The following CDH10 variants were observed in gnomAD, a reference collection of about 807,000 sequenced individuals.
The protein encoded by CDH10 is cadherin-10.
In CDH10, 30 loss-of-function variants were observed where a neutral mutation model predicts 73.1. The observed-to-expected ratio is 0.41, with a 90% confidence interval of 0.31 to 0.56. CDH10 has a LOEUF of 0.56. Ranked by LOEUF, CDH10 falls within the 20% of genes least tolerant of loss-of-function variation. The probability of loss-of-function intolerance (pLI) is 0.27; values close to 1 mark genes in which losing one functional copy is unlikely to be tolerated. For missense variants in CDH10, 815 were observed against 973.7 expected (o/e 0.84, Z 2.17); for synonymous variants, 345 against 348.2 (o/e 0.99, Z 0.10).
intron 5 of CDH10, among the ~76,000 whole-genome samples, chr5:24,532,969 A>ATT (rs1743802464): frequency 1.3e-5 from 2 of 152,236 alleles, no homozygotes; most frequent in South Asian, 4.1e-4. Flanking sequence ...CAGACGTTAT[A>ATT]TGATTTAGAC....
At chr5:24,507,609 A>G (rs571086843) in intron 7 of CDH10, among the ~76,000 whole-genome samples, 1 of 152,178 alleles carries the variant, frequency 6.6e-6, no homozygotes, top group East Asian at 1.9e-4. Context: ...ACATTTAGAT[A>G]ACAATATTAT....
chr5:24,509,679 A>T lies in CDH10; in HGVS notation c.1143T>A (p.Pro381=). Residue 381 remains proline (P), a synonymous_variant, in exon 7 of 12, where the codon CCT becomes CCA. Transcript: ENST00000264463. Reference sequence around the variant, plus strand: ...GATAGGAGGACCTACTAAAAACAGGAGGTTCATCCACATCTTCTATAGAGA... The same window carrying T: ...GATAGGAGGACCTACTAAAAACAGGTGGTTCATCCACATCTTCTATAGAGA... ...VKISIEDVDE[P]PVFSRSSYLF... The T allele has an allele frequency of 6.2e-7, 1 of 1,613,526 alleles. No homozygotes were observed. Among genetic ancestry groups the T allele is most frequent in the Admixed American group, 1.7e-5 (1 of 60,020 alleles).
chr5:24,527,295 A>G (rs1044830622), intron 5 of CDH10, among the ~76,000 whole-genome samples: 3 of 147,766 alleles, frequency 2.0e-5, no homozygotes, highest in African/African-American at 7.4e-5. Flanking sequence ...AGTCTTATAT[A>G]TATTTATATA....
intron 8 of CDH10, among the ~76,000 whole-genome samples, chr5:24,500,340 G>A (rs923590308): frequency 6.6e-6 from 1 of 152,230 alleles, no homozygotes. Context: ...CAGAATCGAA[G>A]TGTATTTATC....
chr5:24,616,167 A>G (rs1747121346), intron 1 of CDH10, among the ~76,000 whole-genome samples: 1 of 152,126 alleles, frequency 6.6e-6, no homozygotes, highest in African/African-American at 2.4e-5. Context: ...AATAATTTTT[A>G]GGAAGAGGTA....
rs139551166 is a variant in CDH10, at chr5:24,608,443, C to T, written c.-123-14830G>A. 9.2e-5 allele frequency among the ~76,000 whole-genome samples: 14 copies of T among 152,150 alleles called. No homozygotes were observed. In the East Asian group the frequency reaches 2.7e-3, roughly 29 times the overall value. On this transcript the variant is annotated intron_variant, in intron 1 of 11. Transcript: ENST00000264463. Reference sequence around the variant, plus strand: ...GAGTAACTGGGACTAGAGGTGCGCACCACCACGCCCAGCTAATTTTTGTAT... The same window carrying T: ...GAGTAACTGGGACTAGAGGTGCGCATCACCACGCCCAGCTAATTTTTGTAT...
intron 8 of CDH10, among the ~76,000 whole-genome samples, 198 bp downstream of exon 8, chr5:24,504,914 T>C (rs192734393): frequency 5.1e-4 from 77 of 152,214 alleles, no homozygotes; most frequent in African/African-American, 1.8e-3. Context: ...TCTACCAATA[T>C]GTATAGGTAT....
In CDH10 at chr5:24,509,279, G is replaced by A. The variant is rs550726763; in HGVS notation, c.1256+287C>T. Among the ~76,000 whole-genome samples, 17 of 103,212 alleles carry A rather than the reference G, an allele frequency of 1.6e-4. No homozygotes were observed. The East Asian group carries it at 4.3e-3, about 26-fold the overall frequency. The allele number at this position is 103,212 out of a possible 152,430, so 67.7% of individuals were successfully genotyped here. On this transcript the variant is annotated intron_variant, in intron 7 of 11. Transcript: ENST00000264463. ...TTTTTGAGACAGATTCATCTCTGTC[G>A]CTCAGGCTGGAATGCAATGGCACGA... is the stretch of plus-strand genomic sequence containing the variant.
intron 1 of CDH10, among the ~76,000 whole-genome samples, chr5:24,630,137 A>G (rs1161433624): frequency 6.6e-6 from 1 of 152,116 alleles, no homozygotes; most frequent in East Asian, 1.9e-4. Context: ...TACAAAAGGA[A>G]TAAGGCATGC....
chr5:24,511,246 G>T, intron 6 of CDH10, 81 bp downstream of exon 6: 1 of 822,288 alleles, frequency 1.2e-6, no homozygotes, highest in Non-Finnish European at 2.0e-6. Context: ...TTTCCCAATG[G>T]ATCATTCATG....
At chr5:24,609,373 T>C (rs925757168) in intron 1 of CDH10, among the ~76,000 whole-genome samples, 1 of 152,108 alleles carries the variant, frequency 6.6e-6, no homozygotes, top group Admixed American at 6.5e-5. Context: ...AAATGGTTGA[T>C]GAAACTGTCT....
intron 2 of CDH10, chr5:24,578,508 C>A: frequency 2.9e-6 from 1 of 343,882 alleles, no homozygotes; most frequent in South Asian, 3.2e-5. Flanking sequence ...ACATATCTTT[C>A]TGCTATACTC....
intron 5 of CDH10, 45 bp downstream of exon 5, chr5:24,535,067 C>T (rs2111875242): frequency 2.7e-6 from 4 of 1,471,030 alleles, no homozygotes; most frequent in Admixed American, 2.5e-5. Context: ...TCTTTTTTTA[C>T]TCTAAATCTT....
In CDH10 at chr5:24,593,565, TC is replaced by T; in HGVS notation, c.-76del. 1.4e-6 allele frequency: 1 copy of T among 735,126 alleles called. No homozygotes were observed. The allele number at this position is 735,126 out of a possible 1,614,324, so 45.5% of individuals were successfully genotyped here. A position where few individuals can be genotyped will look rare whatever the true frequency, so the allele number is the denominator to read the frequency against. On this transcript the variant is annotated 5_prime_UTR_variant, in exon 2 of 12. An upstream open reading frame in the 5' UTR loses its in-frame stop. Coordinates refer to ENST00000264463, the MANE Select transcript of CDH10 (RefSeq NM_006727.5). Reference sequence around the variant, plus strand: ...TTTACCCAGTTGGTTTTACTGTGTTTCAACTGGTTTCCAACATTTCATCAAT... The same window carrying T: ...TTTACCCAGTTGGTTTTACTGTGTTTAACTGGTTTCCAACATTTCATCAAT...
In CDH10 at chr5:24,515,224, T is replaced by C. The variant is rs2111786028; in HGVS notation, c.815-3710A>G. On this transcript the variant is annotated intron_variant, in intron 5 of 11. Transcript: ENST00000264463. ...GAAAATTCCTAAAAATAATTAAAAA[T>C]ATACCAAAATCTACAAAAGAGAAAA... 2.0e-5 allele frequency among the ~76,000 whole-genome samples: 3 copies of C among 152,222 alleles called. 1 individual carries two copies. The highest frequency in any genetic ancestry group is 4.1e-4 in the South Asian group (2 of 4,828).
chr5:24,537,518 G>GT lies in CDH10; in HGVS notation c.387dup (p.Gln130ThrfsTer4). On this transcript the variant is annotated frameshift_variant, in exon 3 of 12. Coordinates refer to ENST00000264463, the MANE Select transcript of CDH10 (RefSeq NM_006727.5). LOFTEE classifies it high-confidence loss of function. ...CTCAGAGTTCTTCTGTTAATAGCTTGTGCGCGTAGAGTATAAAAGGCCTTT... is the reference window on the plus strand; with the variant it reads ...CTCAGAGTTCTTCTGTTAATAGCTTGTTGCGCGTAGAGTATAAAAGGCCTTT... 6.2e-7 allele frequency: 1 copy of GT among 1,613,224 alleles called. No individual in the cohort carries two copies. Among genetic ancestry groups the GT allele is most frequent in the Non-Finnish European group, 8.5e-7 (1 of 1,179,492 alleles).
intron 1 of CDH10, among the ~76,000 whole-genome samples, chr5:24,635,723 T>C (rs961208264): frequency 6.6e-6 from 1 of 151,984 alleles, no homozygotes; most frequent in Non-Finnish European, 1.5e-5. Context: ...ATTTTCACAA[T>C]CATTAGAGAA....
intron 2 of CDH10, among the ~76,000 whole-genome samples, chr5:24,585,371 G>A (rs1745956533): frequency 6.6e-6 from 1 of 152,078 alleles, no homozygotes; most frequent in Non-Finnish European, 1.5e-5. Context: ...TTGGCCTCTA[G>A]AAGGGTCATA....
intron 1 of CDH10, among the ~76,000 whole-genome samples, chr5:24,595,829 G>T (rs1435167993): frequency 2.0e-5 from 3 of 151,870 alleles, no homozygotes; most frequent in Non-Finnish European, 4.4e-5. Flanking sequence ...ACCTTCCCTA[G>T]TGTGAAAAGC....
Sources: gnomAD v4.1 joint callset for allele counts (sites outside exome capture counted in the v4.1 genomes callset) on GRCh38, gnomAD v4.1.1 for gene constraint, MANE v1.5 for transcripts, NCBI Gene and HGNC (gene_info 2026-07-23, HGNC 2026-07-21) for gene names.